TLN2: variants seen among roughly 807,000 people sequenced by gnomAD.
The protein encoded by TLN2 is talin-2.
Under a neutral mutation model 294.7 loss-of-function variants are expected in TLN2, and 118 were observed. The ratio of observed to expected loss-of-function variants is 0.40; its 90% CI spans 0.34 to 0.47. The LOEUF is 0.47. Ranked by LOEUF, TLN2 falls within the 20% of genes least tolerant of loss-of-function variation. TLN2 has a pLI of 0.84. For synonymous variants in TLN2, 1,431 were observed against 1,304.5 expected, an observed-to-expected ratio of 1.10 and a Z score of -2.09; for missense variants, 3,083 against 3,282.2, an observed-to-expected ratio of 0.94 and a Z score of 1.48.
intron 1 of TLN2, among the ~76,000 whole-genome samples, chr15:62,564,679 G>T (rs1437352160): frequency 6.6e-6 from 1 of 152,092 alleles, no homozygotes; most frequent in African/African-American, 2.4e-5. Flanking sequence ...GGTTGAGGCA[G>T]GTGGATCACT....
intron 9 of TLN2, among the ~76,000 whole-genome samples, chr15:62,669,631 T>G (rs886162190): frequency 7.9e-5 from 12 of 152,318 alleles, no homozygotes; most frequent in African/African-American, 2.9e-4. Context: ...AAATTTCCAA[T>G]CAACTTTGAT....
chr15:62,720,374 A>G (rs1433300947), intron 25 of TLN2, among the ~76,000 whole-genome samples: 3 of 152,194 alleles, frequency 2.0e-5, no homozygotes, highest in Non-Finnish European at 4.4e-5. Context: ...AATAAACGAA[A>G]ATATTAAGTT....
At chr15:62,564,108 A>T (rs1035898060) in intron 1 of TLN2, among the ~76,000 whole-genome samples, 2 of 152,224 alleles carry the variant, frequency 1.3e-5, no homozygotes, top group Non-Finnish European at 2.9e-5. Flanking sequence ...ATGATTGCAC[A>T]TGTCCTAATA....
At chr15:62,572,964 G>A (rs1300955438) in intron 1 of TLN2, among the ~76,000 whole-genome samples, 2 of 151,574 alleles carry the variant, frequency 1.3e-5, no homozygotes, top group Non-Finnish European at 2.9e-5. Flanking sequence ...CATGGAGCTG[G>A]TGCCCTGCTC....
chr15:62,596,416 A>G (rs894678691), intron 2 of TLN2, among the ~76,000 whole-genome samples: 3 of 152,142 alleles, frequency 2.0e-5, no homozygotes, highest in Non-Finnish European at 4.4e-5. Context: ...AGCATGTTCT[A>G]TAACTTTTAT....
intron 1 of TLN2, among the ~76,000 whole-genome samples, chr15:62,487,905 A>AAAAT (rs1004062908): frequency 3.3e-5 from 5 of 151,668 alleles, no homozygotes; most frequent in African/African-American, 4.8e-5. Flanking sequence ...TCCGTCTCAA[A>AAAAT]AAATAAATAA....
intron 15 of TLN2, 31 bp from the exon 16 acceptor site, chr15:62,698,723 G>C (rs745787201): frequency 1.9e-6 from 3 of 1,582,424 alleles, no homozygotes; most frequent in South Asian, 1.1e-5. Flanking sequence ...AGGCGTGTGG[G>C]ATGACAGCTT....
At chr15:62,834,343 C>G (rs2069227829) in intron 55 of TLN2, 2 of 152,160 alleles carry the variant, frequency 1.3e-5, no homozygotes, top group South Asian at 4.1e-4. Flanking sequence ...AGAGGCGCCA[C>G]AGAAACCTGA....
At chr15:62,716,540 T>G in intron 23 of TLN2, 81 bp downstream of exon 23, 1 of 1,483,680 alleles carries the variant, frequency 6.7e-7, no homozygotes, top group South Asian at 1.5e-5. Context: ...ATTAACAAGG[T>G]GTTGACAATA....
chr15:62,612,885 T>C (rs1455969316), intron 2 of TLN2, among the ~76,000 whole-genome samples: 3 of 152,234 alleles, frequency 2.0e-5, no homozygotes, highest in African/African-American at 7.2e-5. Flanking sequence ...AATAATCTCT[T>C]TCTTAAAGAT....
At position 62,722,430 on chromosome 15, in the gene TLN2, C is replaced by A; in HGVS notation, c.3069C>A (p.Ser1023Arg). The part of the protein sequence containing the change: ...VSDQAAAMQL[S>R]QCAKNLATSL... ...ACCAGGCCGCAGCCATGCAGCTGAG[C>A]CAGTGTGCCAAGAACCTGGCCACCA... Residue 1023 changes from serine (S) to arginine (R), a missense_variant, in exon 26 of 59, where the codon AGC (serine) becomes AGA (arginine). Physicochemically the swap from Ser to Arg is moderately radical, Grantham distance 110 (BLOSUM62 -1). Transcript: ENST00000636159. The A allele has an allele frequency of 1.9e-6, 3 of 1,613,188 alleles. No homozygotes were observed. Among genetic ancestry groups the A allele is most frequent in the Non-Finnish European group, 2.5e-6 (3 of 1,179,712 alleles).
rs754607521 is a variant in TLN2, at chr15:62,840,526, G to A, written c.7545G>A (p.Leu2515=). The A allele has an allele frequency of 2.5e-6, 4 of 1,614,208 alleles. No individual in the cohort carries two copies. The highest frequency in any genetic ancestry group is 1.6e-4 in the Middle Eastern group (1 of 6,062). ...QEEMLKKERE[L]EEARKKLAQI... ...AAATGCTAAAGAAAGAGCGAGAACT[G>A]GAAGAAGCAAGGAAAAAACTGGCCC... is the stretch of plus-strand genomic sequence containing the variant. The change falls in exon 59 of 59, where the codon CTG becomes CTA. Residue 2515 remains leucine, a synonymous_variant. Coordinates refer to ENST00000636159, the MANE Select transcript of TLN2 (RefSeq NM_015059.3).
intron 44 of TLN2, among the ~76,000 whole-genome samples, chr15:62,783,332 A>C (rs1414136950): frequency 3.9e-5 from 6 of 152,228 alleles, no homozygotes; most frequent in Non-Finnish European, 5.9e-5. Flanking sequence ...CCCCCGACAG[A>C]AGCCTTGGCC....
chr15:62,750,480 G>A lies in TLN2; in HGVS notation c.4198G>A (p.Glu1400Lys), dbSNP rs1198428951. The A allele has an allele frequency of 6.2e-7, 1 of 1,614,024 alleles. No individual in the cohort carries two copies. Among genetic ancestry groups the A allele is most frequent in the African/African-American group, 1.3e-5 (1 of 74,928 alleles). The part of the protein sequence containing the change: ...SYFDCIESVM[E>K]NSKVLGESMA... ...CTTTGACTGCATTGAGAGTGTGATG[G>A]AAAACTCCAAGGTAAGACTGCCTAT... Residue 1400 changes from glutamate to lysine, a missense_variant, in exon 34 of 59, where the codon GAA becomes AAA. Coordinates refer to ENST00000636159, the MANE Select transcript of TLN2 (RefSeq NM_015059.3).
intron 32 of TLN2, among the ~76,000 whole-genome samples, chr15:62,745,881 T>C (rs2061580652): frequency 6.6e-6 from 1 of 152,254 alleles, no homozygotes; most frequent in Admixed American, 6.5e-5. Context: ...GAATTCGTGA[T>C]AGCTAAATAA....
At chr15:62,728,418 C>T (rs997965323) in intron 28 of TLN2, among the ~76,000 whole-genome samples, 6 of 152,110 alleles carry the variant, frequency 3.9e-5, no homozygotes, top group Admixed American at 2.0e-4. Context: ...GGAACAAGTC[C>T]GGTCCACGTT....
intron 1 of TLN2, among the ~76,000 whole-genome samples, chr15:62,579,780 C>T (rs914818145): frequency 6.6e-6 from 1 of 152,206 alleles, no homozygotes; most frequent in Admixed American, 6.5e-5. Context: ...TCTCTCTCTG[C>T]ATGTCCTTCA....
chr15:62,740,388 G>T, intron 31 of TLN2: 1 of 467,232 alleles, frequency 2.1e-6, no homozygotes, highest in Non-Finnish European at 3.8e-6. Flanking sequence ...CACAGCTCTT[G>T]GCTGACCCAC....
At chr15:62,399,256 CAA>C (rs546678440) in intron 1 of TLN2, among the ~76,000 whole-genome samples, 6 of 58,430 alleles carry the variant, frequency 1.0e-4, no homozygotes, top group Non-Finnish European at 1.7e-4. Flanking sequence ...CCGTCTCAAA[CAA>C]AAAAAAAAAA....
Sources: allele counts gnomAD v4.1 joint callset (sites outside exome capture counted in the v4.1 genomes callset), GRCh38; gene constraint gnomAD v4.1.1; transcripts MANE v1.5; gene names NCBI Gene and HGNC (gene_info 2026-07-23, HGNC 2026-07-21).